CHM: variants seen among roughly 807,000 people sequenced by gnomAD.
CHM encodes the protein CHM Rab escort protein, also known as rab proteins geranylgeranyltransferase component A 1.
Under a neutral mutation model 49.0 loss-of-function variants are expected in CHM, and 10 were observed. The observed-to-expected ratio is 0.20, with a 90% CI of 0.13 to 0.35. CHM has a LOEUF of 0.35. CHM is among the 10% of genes least tolerant of loss of function. CHM has a pLI of 1.00. For synonymous variants in CHM, 184 were observed against 167.5 expected (o/e 1.10, Z -0.76); for missense variants, 455 against 478.4 (o/e 0.95, Z 0.46).
At chrX:85,954,587 T>C (rs1929914214) in intron 8 of CHM, among the ~76,000 whole-genome samples, 1 of 111,524 alleles carries the variant, frequency 9.0e-6, no homozygotes, top group South Asian at 3.8e-4. Flanking sequence ...GGAGTAATAC[T>C]CAGCCATAAA....
Position 85,960,004 on chromosome X carries a change from A to G in CHM, c.703-1027T>C, listed in dbSNP as rs769305043. On this transcript the variant is annotated intron_variant, in intron 5 of 14. Coordinates refer to ENST00000357749, the MANE Select transcript of CHM (RefSeq NM_000390.4). ...CAGCATTCTGCAAAACAAAATTGAC[A>G]TCACTTTTTTGAAGCTAATCTGATC... Among the ~76,000 whole-genome samples the G allele has an allele frequency of 2.7e-5, 3 of 111,912 alleles. No individual in the cohort carries two copies. The East Asian group carries it at 8.4e-4, about 31-fold the overall frequency.
intron 12 of CHM, among the ~76,000 whole-genome samples, chrX:85,893,340 T>C (rs1056918340): frequency 4.5e-5 from 5 of 111,756 alleles, no homozygotes; most frequent in African/African-American, 9.8e-5. Flanking sequence ...AACAAAAAAT[T>C]TGAAACAAAT....
At chrX:86,041,443 C>T (rs752126926) in intron 1 of CHM, among the ~76,000 whole-genome samples, 14 of 110,327 alleles carry the variant, frequency 1.3e-4, no homozygotes, top group Admixed American at 2.9e-4. Context: ...GCATCTCTTA[C>T]GCTGACAACG....
At chrX:85,903,673 A>C in intron 9 of CHM, 2 of 385,955 alleles carry the variant, frequency 5.2e-6, no homozygotes, top group Non-Finnish European at 5.2e-6. Flanking sequence ...ACTTTTTGAA[A>C]TTATAAAGTA....
chrX:86,001,660 A>G (rs1035976097), intron 2 of CHM, among the ~76,000 whole-genome samples: 1 of 110,357 alleles, frequency 9.1e-6, no homozygotes, highest in Non-Finnish European at 1.9e-5. Flanking sequence ...CTAACTTATC[A>G]TCAAGGGGAT....
chrX:85,900,791 C>A, intron 10 of CHM, 82 bp from the exon 11 acceptor site: 1 of 712,288 alleles, frequency 1.4e-6, no homozygotes, highest in Non-Finnish European at 2.2e-6. Context: ...CCAGAAGGCA[C>A]GTTTCAAAGA....
chrX:85,934,610 G>T (rs1282731888), intron 8 of CHM, among the ~76,000 whole-genome samples: 1 of 109,654 alleles, frequency 9.1e-6, no homozygotes, highest in Non-Finnish European at 1.9e-5. Context: ...CAAAGGACAT[G>T]AACTCATCCT....
chrX:85,999,694 T>C (rs964497255), intron 2 of CHM, among the ~76,000 whole-genome samples: 55 of 111,952 alleles, frequency 4.9e-4, no homozygotes, highest in African/African-American at 1.6e-3. Flanking sequence ...ATTTCACGTG[T>C]CCGCAGCTCA....
At chrX:85,980,708 A>G (rs781516854) in intron 3 of CHM, among the ~76,000 whole-genome samples, 5 of 111,709 alleles carry the variant, frequency 4.5e-5, no homozygotes, top group African/African-American at 1.6e-4. Context: ...TTCAAGCCAC[A>G]TGTACCAATC....
intron 1 of CHM, among the ~76,000 whole-genome samples, chrX:86,038,990 C>CT (rs765667351): frequency 8.9e-6 from 1 of 112,460 alleles, no homozygotes; most frequent in East Asian, 2.8e-4. Flanking sequence ...GTCAGAAAAA[C>CT]TTTCGTCTTA....
chrX:85,942,766 T>TAA (rs1166439634), intron 8 of CHM, among the ~76,000 whole-genome samples: 2 of 107,935 alleles, frequency 1.9e-5, no homozygotes, highest in African/African-American at 3.4e-5. Flanking sequence ...TTTTTTTTTT[T>TAA]TATATATATA....
At position 85,993,799 on chromosome X, in the gene CHM, C is replaced by A. The variant is rs146050858; in HGVS notation, c.117-11990G>T. 8.8e-3 allele frequency among the ~76,000 whole-genome samples: 979 copies of A among 111,437 alleles called. 10 individuals carry two copies. The highest frequency in any genetic ancestry group is 0.03 in the African/African-American group (922 of 30,637). ...CTTTTATTAGTGCTATTGCCTATGC[C>A]CCAAATGCTATTCCACCATAAAACT... On this transcript the variant is annotated intron_variant, in intron 2 of 14. Transcript: ENST00000357749.
intron 1 of CHM, among the ~76,000 whole-genome samples, chrX:86,033,900 T>C (rs1934135895): frequency 1.8e-5 from 2 of 112,368 alleles, no homozygotes; most frequent in African/African-American, 6.5e-5. Flanking sequence ...AAATGTGTAT[T>C]TATAGCCATG....
intron 8 of CHM, among the ~76,000 whole-genome samples, chrX:85,951,490 A>G (rs1929745361): frequency 1.8e-5 from 2 of 112,003 alleles, no homozygotes; most frequent in Admixed American, 1.9e-4. Flanking sequence ...GCTCTATTTG[A>G]CTATATTAAT....
At chrX:85,983,941 C>T (rs925861759) in intron 2 of CHM, among the ~76,000 whole-genome samples, 1 of 110,997 alleles carries the variant, frequency 9.0e-6, no homozygotes, top group African/African-American at 3.3e-5. Flanking sequence ...GTGGTTCATG[C>T]CTGTAATCCT....
intron 1 of CHM, among the ~76,000 whole-genome samples, chrX:86,029,108 T>C (rs917645455): frequency 2.7e-5 from 3 of 112,116 alleles, no homozygotes; most frequent in African/African-American, 9.7e-5. Flanking sequence ...TTCTAACAAA[T>C]GTACTGAAAA....
At chrX:85,959,736 G>A (rs887786141) in intron 5 of CHM, among the ~76,000 whole-genome samples, 3 of 111,288 alleles carry the variant, frequency 2.7e-5, no homozygotes, top group Non-Finnish European at 5.7e-5. Context: ...CATGTTAACC[G>A]TATGGTTAAA....
chrX:86,009,332 G>A (rs1013085392), intron 2 of CHM, among the ~76,000 whole-genome samples: 1 of 112,403 alleles, frequency 8.9e-6, no homozygotes, highest in African/African-American at 3.2e-5. Context: ...GGTCCCACCA[G>A]TCATATACTA....
intron 4 of CHM, among the ~76,000 whole-genome samples, chrX:85,964,997 G>T (rs1225617281): frequency 9.3e-6 from 1 of 107,913 alleles, no homozygotes; most frequent in Non-Finnish European, 1.9e-5. Flanking sequence ...CCTAACAGTA[G>T]CCCTTCCTTA....
Sources: gnomAD v4.1 joint callset for allele counts (sites outside exome capture counted in the v4.1 genomes callset) on GRCh38, gnomAD v4.1.1 for gene constraint, MANE v1.5 for transcripts, NCBI Gene and HGNC (gene_info 2026-07-23, HGNC 2026-07-21) for gene names.